Variants in GRID2 observed in about 807,000 individuals in gnomAD.
GRID2 encodes the protein glutamate receptor ionotropic, delta-2.
In GRID2, 33 loss-of-function variants were observed where a neutral mutation model predicts 114.8. The observed-to-expected ratio is 0.29, with a 90% CI of 0.22 to 0.38. The LOEUF (loss-of-function observed/expected upper bound fraction) is 0.38. Among genes scored for constraint, GRID2 ranks in the 10% least tolerant of loss-of-function variants. GRID2 has a pLI of 1.00. For missense variants in GRID2, 1,184 were observed against 1,257.7 expected (o/e 0.94, Z 0.89); for synonymous variants, 505 against 449.9 (o/e 1.12, Z -1.55).
At chr4:92,343,027 T>G (rs924094828) in intron 1 of GRID2, among the ~76,000 whole-genome samples, 2 of 152,218 alleles carry the variant, frequency 1.3e-5, no homozygotes, top group African/African-American at 2.4e-5. Context: ...AGATATAAAC[T>G]GAGTATTCCC....
intron 10 of GRID2, among the ~76,000 whole-genome samples, chr4:93,453,316 A>AGAG (rs1553932509): frequency 1.6e-5 from 2 of 127,210 alleles, no homozygotes; most frequent in Admixed American, 1.6e-4. Flanking sequence ...AGAGATGGGA[A>AGAG]AGAGAGAGAG....
In GRID2 at chr4:93,634,390, G is replaced by A. The variant is rs187069381; in HGVS notation, c.2360+7955G>A. On this transcript the variant is annotated intron_variant, in intron 14 of 15. Coordinates refer to ENST00000282020, the MANE Select transcript of GRID2 (RefSeq NM_001510.4). ...TCACTGGAAATAATATTAGTTGAGGGATTTAGGTAGAGAAACTAAAATTGA... is the reference window on the plus strand; with the variant it reads ...TCACTGGAAATAATATTAGTTGAGGAATTTAGGTAGAGAAACTAAAATTGA... Among the ~76,000 whole-genome samples the A allele has an allele frequency of 6.1e-4, 93 of 152,204 alleles. 1 individual carries two copies. Among genetic ancestry groups the A allele is most frequent in the Middle Eastern group, 3.4e-3 (1 of 294 alleles).
chr4:93,345,263 A>G (rs1305400404), intron 8 of GRID2, among the ~76,000 whole-genome samples: 1 of 151,996 alleles, frequency 6.6e-6, no homozygotes, highest in African/African-American at 2.4e-5. Flanking sequence ...ACTAATTTAA[A>G]TTTCCACTAA....
intron 4 of GRID2, among the ~76,000 whole-genome samples, chr4:93,119,418 T>A (rs973966529): frequency 6.6e-6 from 1 of 152,162 alleles, no homozygotes; most frequent in Non-Finnish European, 1.5e-5. Context: ...TACAAAAAAA[T>A]TCTATATAAA....
intron 2 of GRID2, among the ~76,000 whole-genome samples, chr4:92,744,611 C>A (rs1737057867): frequency 6.6e-6 from 1 of 152,028 alleles, no homozygotes; most frequent in Non-Finnish European, 1.5e-5. Context: ...TTATGTCTTT[C>A]CCAATGAATC....
chr4:93,582,617 A>G (rs765279817), intron 13 of GRID2, among the ~76,000 whole-genome samples: 6 of 152,204 alleles, frequency 3.9e-5, no homozygotes, highest in Non-Finnish European at 8.8e-5. Flanking sequence ...ACATTTGCCT[A>G]AAATAAATAT....
intron 2 of GRID2, among the ~76,000 whole-genome samples, chr4:92,910,423 G>C (rs1232141635): frequency 1.3e-5 from 2 of 152,024 alleles, no homozygotes; most frequent in African/African-American, 4.8e-5. Context: ...TTCCCATAGA[G>C]AGCCAATAGT....
intron 2 of GRID2, among the ~76,000 whole-genome samples, chr4:92,818,021 C>T (rs563254095): frequency 6.6e-6 from 1 of 152,210 alleles, no homozygotes; most frequent in African/African-American, 2.4e-5. Context: ...CAATCATATT[C>T]ATGTGTGTGA....
intron 2 of GRID2, among the ~76,000 whole-genome samples, chr4:92,901,848 T>G (rs947222558): frequency 2.0e-5 from 3 of 151,916 alleles, no homozygotes; most frequent in African/African-American, 7.2e-5. Flanking sequence ...TGTGTGTCCT[T>G]GTCTTGCTTT....
chr4:92,584,896 G>A (rs1283162738), intron 1 of GRID2, among the ~76,000 whole-genome samples: 1 of 151,958 alleles, frequency 6.6e-6, no homozygotes, highest in Non-Finnish European at 1.5e-5. Context: ...CATTTAAAAT[G>A]TTTGCACTAC....
At chr4:93,410,733 G>A (rs548580151) in intron 9 of GRID2, among the ~76,000 whole-genome samples, 12 of 152,136 alleles carry the variant, frequency 7.9e-5, no homozygotes, top group African/African-American at 1.7e-4. Flanking sequence ...ACAGGCATGC[G>A]CCAACATGCC....
At chr4:92,771,900 T>G (rs73837341) in intron 2 of GRID2, among the ~76,000 whole-genome samples, 96 of 152,274 alleles carry the variant, frequency 6.3e-4, no homozygotes, top group African/African-American at 2.3e-3. Context: ...TCAGGAATCA[T>G]GTATGCTCCA....
At chr4:93,691,965 C>T (rs1247470708) in intron 14 of GRID2, among the ~76,000 whole-genome samples, 1 of 151,942 alleles carries the variant, frequency 6.6e-6, no homozygotes, top group African/African-American at 2.4e-5. Flanking sequence ...TAACCATATT[C>T]ATTCATTCAA....
intron 13 of GRID2, among the ~76,000 whole-genome samples, chr4:93,568,744 T>A (rs1251034939): frequency 6.6e-6 from 1 of 152,212 alleles, no homozygotes; most frequent in African/African-American, 2.4e-5. Flanking sequence ...TTCACAATTT[T>A]CATGTGTGTA....
At chr4:93,065,798 C>CT (rs1309684733) in intron 2 of GRID2, among the ~76,000 whole-genome samples, 1 of 151,798 alleles carries the variant, frequency 6.6e-6, no homozygotes, top group Non-Finnish European at 1.5e-5. Context: ...CCTTATGGTT[C>CT]TTTAAGCTCC....
intron 2 of GRID2, among the ~76,000 whole-genome samples, chr4:92,672,704 A>T (rs976544095): frequency 1.3e-5 from 2 of 152,090 alleles, no homozygotes; most frequent in African/African-American, 4.8e-5. Context: ...TTATTTATTC[A>T]TACATAATAC....
chr4:93,098,217 C>T (rs1731395118), intron 3 of GRID2, among the ~76,000 whole-genome samples: 1 of 151,756 alleles, frequency 6.6e-6, no homozygotes, highest in East Asian at 1.9e-4. Context: ...TTATGTTTTA[C>T]CTTCATTGTG....
chr4:93,270,827 C>T (rs1362889753), intron 8 of GRID2, among the ~76,000 whole-genome samples: 2 of 152,056 alleles, frequency 1.3e-5, no homozygotes, highest in African/African-American at 4.8e-5. Flanking sequence ...CAGGGTTTTA[C>T]CATGTTGGCC....
chr4:92,783,466 AGT>A (rs1053148545), intron 2 of GRID2, among the ~76,000 whole-genome samples: 1 of 152,126 alleles, frequency 6.6e-6, no homozygotes, highest in Non-Finnish European at 1.5e-5. Context: ...AATTAGTAAA[AGT>A]GTCTGAATTT....
Sources: allele counts gnomAD v4.1 joint callset (sites outside exome capture counted in the v4.1 genomes callset), GRCh38; gene constraint gnomAD v4.1.1; transcripts MANE v1.5; gene names NCBI Gene and HGNC (gene_info 2026-07-23, HGNC 2026-07-21).